TLN2: variants seen among roughly 807,000 people sequenced by gnomAD.
The protein encoded by TLN2 is talin-2.
Under a neutral mutation model 294.7 loss-of-function variants are expected in TLN2, and 118 were observed. The ratio of observed to expected loss-of-function variants is 0.40; its 90% confidence interval spans 0.34 to 0.47. TLN2 has a LOEUF of 0.47. Among genes scored for constraint, TLN2 ranks in the 20% least tolerant of loss-of-function variants. The pLI, the probability that TLN2 is intolerant of heterozygous loss-of-function variation, is 0.84. For missense variants in TLN2, 3,083 were observed against 3,282.2 expected (o/e 0.94, Z 1.48); for synonymous variants, 1,431 against 1,304.5 (o/e 1.10, Z -2.09).
At chr15:62,797,177 C>T (rs1342955767) in intron 47 of TLN2, 42 bp from the exon 48 acceptor site, 5 of 1,609,674 alleles carry the variant, frequency 3.1e-6, no homozygotes, top group African/African-American at 1.3e-5. Context: ...AAGCTTTGCC[C>T]TCTGTCTCTC....
chr15:62,518,028 A>G (rs1193584451), intron 1 of TLN2, among the ~76,000 whole-genome samples: 1 of 148,286 alleles, frequency 6.7e-6, no homozygotes, highest in Non-Finnish European at 1.5e-5. Context: ...TGCTCATTAA[A>G]TATTAGCTAG....
chr15:62,780,183 C>T (rs963047052), intron 43 of TLN2, among the ~76,000 whole-genome samples: 4 of 152,232 alleles, frequency 2.6e-5, no homozygotes, highest in African/African-American at 9.6e-5. Context: ...CTCACTCTGC[C>T]TGTATTAATT....
At chr15:62,464,919 A>G (rs1490380435) in intron 1 of TLN2, among the ~76,000 whole-genome samples, 1 of 152,032 alleles carries the variant, frequency 6.6e-6, no homozygotes, top group East Asian at 1.9e-4. Flanking sequence ...TCGGATTTGT[A>G]CTTGCTGAGA....
At chr15:62,594,493 C>T (rs2046325091) in intron 2 of TLN2, among the ~76,000 whole-genome samples, 1 of 152,222 alleles carries the variant, frequency 6.6e-6, no homozygotes, top group African/African-American at 2.4e-5. Flanking sequence ...CAGACGTAGC[C>T]ACCATGCCCA....
chr15:62,747,252 A>G (rs1166636757), intron 32 of TLN2, among the ~76,000 whole-genome samples: 2 of 152,254 alleles, frequency 1.3e-5, no homozygotes, highest in African/African-American at 4.8e-5. Context: ...TCAAAAGCAC[A>G]AAGTGATTAA....
At chr15:62,654,889 C>T (rs1567274004) in intron 7 of TLN2, among the ~76,000 whole-genome samples, 1 of 151,846 alleles carries the variant, frequency 6.6e-6, no homozygotes, top group Non-Finnish European at 1.5e-5. Context: ...GCTGTTTGCA[C>T]CTTGCTGCCT....
intron 1 of TLN2, among the ~76,000 whole-genome samples, chr15:62,454,236 G>C (rs554433739): frequency 1.3e-5 from 2 of 152,310 alleles, no homozygotes; most frequent in African/African-American, 4.8e-5. Flanking sequence ...ACTGATGTCA[G>C]TTTATAGAGC....
At position 62,593,806 on chromosome 15, in the gene TLN2, C is replaced by G. The variant is rs140275655; in HGVS notation, c.-162+4044C>G. 1.5e-3 allele frequency among the ~76,000 whole-genome samples: 235 copies of G among 152,270 alleles called. 5 individuals carry two copies. The East Asian group carries it at 0.021, about 13-fold the overall frequency. Reference sequence around the variant, plus strand: ...TACTACTTATAGAGTGTAAACATGACTTTACCAAGATTAAAATAAACACAT... The same window carrying G: ...TACTACTTATAGAGTGTAAACATGAGTTTACCAAGATTAAAATAAACACAT... On this transcript the variant is annotated intron_variant, in intron 2 of 58. Transcript: ENST00000636159.
At chr15:62,755,010 A>AT (rs1196688840) in intron 36 of TLN2, 1 of 152,736 alleles carries the variant, frequency 6.5e-6, no homozygotes, top group African/African-American at 2.4e-5. Context: ...TGGGTTGTAA[A>AT]TATGCAGTGC....
intron 26 of TLN2, among the ~76,000 whole-genome samples, chr15:62,723,814 T>G (rs1426645443): frequency 1.3e-5 from 2 of 151,068 alleles, no homozygotes; most frequent in Non-Finnish European, 3.0e-5. Context: ...CCTCCCAAAG[T>G]GTTAGGATTA....
intron 37 of TLN2, chr15:62,758,481 C>T (rs2062450050): frequency 6.6e-6 from 1 of 152,192 alleles, no homozygotes; most frequent in Admixed American, 6.5e-5. Flanking sequence ...AATGTGCAGT[C>T]ACTCACATTT....
At chr15:62,626,099 A>G (rs2140873883) in intron 3 of TLN2, among the ~76,000 whole-genome samples, 1 of 151,968 alleles carries the variant, frequency 6.6e-6, no homozygotes, top group East Asian at 1.9e-4. Flanking sequence ...GGATTATGGC[A>G]CACATAACGA....
chr15:62,617,545 T>C (rs1174502710), intron 2 of TLN2, among the ~76,000 whole-genome samples: 1 of 152,176 alleles, frequency 6.6e-6, no homozygotes, highest in Non-Finnish European at 1.5e-5. Context: ...TGTCACCCCC[T>C]TTCTCCAGCC....
At chr15:62,569,835 C>G (rs1394546572) in intron 1 of TLN2, among the ~76,000 whole-genome samples, 1 of 152,160 alleles carries the variant, frequency 6.6e-6, no homozygotes, top group South Asian at 2.1e-4. Flanking sequence ...AAATGAGAAG[C>G]TATGATTTGG....
intron 1 of TLN2, among the ~76,000 whole-genome samples, chr15:62,464,137 G>A (rs148789511): frequency 6.6e-5 from 10 of 152,258 alleles, no homozygotes; most frequent in African/African-American, 2.4e-4. Flanking sequence ...TGTTTATTGT[G>A]GCACTATTCA....
At chr15:62,437,437 A>T (rs576519300) in intron 1 of TLN2, among the ~76,000 whole-genome samples, 1 of 151,368 alleles carries the variant, frequency 6.6e-6, no homozygotes, top group Non-Finnish European at 1.5e-5. Flanking sequence ...TAGTCACAGG[A>T]TCTCACAATG....
At chr15:62,661,915 A>G (rs2053886985) in intron 9 of TLN2, among the ~76,000 whole-genome samples, 1 of 152,164 alleles carries the variant, frequency 6.6e-6, no homozygotes, top group Admixed American at 6.5e-5. Context: ...AGGATACTAA[A>G]TAATTGTGAA....
At chr15:62,600,471 C>G (rs2046901004) in intron 2 of TLN2, among the ~76,000 whole-genome samples, 1 of 152,004 alleles carries the variant, frequency 6.6e-6, no homozygotes, top group African/African-American at 2.4e-5. Context: ...AGCAGTTGGC[C>G]CCTGTGTTTA....
chr15:62,742,072 T>TGTGTGTGTGTGTGA lies in TLN2; in HGVS notation c.4025+1306_4025+1307insTGTGTGTGTGAGTG, dbSNP rs1272145437. ...GTGTGTGTGTGTGTGTGTGTGTGTG[T>TGTGTGTGTGTGTGA]GTGAAGGGTTAGACACTGTCAGAGC... On this transcript the variant is annotated intron_variant, in intron 32 of 58. Transcript: ENST00000636159. Among the ~76,000 whole-genome samples, 201 of 142,488 alleles carry TGTGTGTGTGTGTGA rather than the reference T, an allele frequency of 1.4e-3. 6 individuals are homozygous for TGTGTGTGTGTGTGA. The highest frequency in any genetic ancestry group is 1.7e-3 in the Non-Finnish European group (110 of 65,544). 93.5% of individuals were successfully genotyped at this position (142,488 alleles called of 152,430 possible).
Sources: allele counts gnomAD v4.1 joint callset (sites outside exome capture counted in the v4.1 genomes callset), GRCh38; gene constraint gnomAD v4.1.1; transcripts MANE v1.5; gene names NCBI Gene and HGNC (gene_info 2026-07-23, HGNC 2026-07-21).